EXOC6B: variants seen among roughly 807,000 people sequenced by gnomAD.
EXOC6B encodes the protein SEC15 homolog B.
A neutral mutation model predicts 113.5 loss-of-function variants in EXOC6B; 54 were observed. The observed-to-expected ratio is 0.48, with a 90% CI of 0.38 to 0.60. EXOC6B has a LOEUF of 0.60. EXOC6B is among the 20% of genes least tolerant of loss of function. EXOC6B has a pLI of 0.00. For synonymous variants in EXOC6B, 357 were observed against 339.0 expected (o/e 1.05, Z -0.58); for missense variants, 797 against 977.5 (o/e 0.82, Z 2.46).
At chr2:72,585,912 C>T (rs1705538058) in intron 6 of EXOC6B, among the ~76,000 whole-genome samples, 1 of 152,016 alleles carries the variant, frequency 6.6e-6, no homozygotes, top group African/African-American at 2.4e-5. Flanking sequence ...ACATACAGAC[C>T]AAACAACACA....
At position 72,298,745 on chromosome 2, in the gene EXOC6B, CT is replaced by C. The variant is rs536040597; in HGVS notation, c.2196+36201del. Reference sequence around the variant, plus strand: ...TTTTATTTCTCCTTCACTTATGAAGCTTAGTTTGGCTGGATATGAAATTCCG... The same window carrying C: ...TTTTATTTCTCCTTCACTTATGAAGCTAGTTTGGCTGGATATGAAATTCCG... On this transcript the variant is annotated intron_variant, in intron 20 of 21. Transcript: ENST00000272427. Among the ~76,000 whole-genome samples the C allele has an allele frequency of 2.6e-3, 392 of 152,236 alleles. 1 individual carries two copies. The highest frequency in any genetic ancestry group is 8.9e-3 in the African/African-American group (368 of 41,550).
intron 11 of EXOC6B, among the ~76,000 whole-genome samples, chr2:72,501,104 C>A (rs1056019745): frequency 2.0e-5 from 3 of 152,110 alleles, no homozygotes; most frequent in Admixed American, 2.0e-4. Flanking sequence ...ATATGAATAT[C>A]TCCTATAAAC....
At chr2:72,561,664 G>A (rs1703892008) in intron 7 of EXOC6B, among the ~76,000 whole-genome samples, 1 of 152,030 alleles carries the variant, frequency 6.6e-6, no homozygotes, top group Admixed American at 6.6e-5. Flanking sequence ...ACATAACAAA[G>A]ACGTTTTGTT....
chr2:72,324,590 T>C (rs1454996805), intron 20 of EXOC6B, among the ~76,000 whole-genome samples: 1 of 152,224 alleles, frequency 6.6e-6, no homozygotes, highest in African/African-American at 2.4e-5. Context: ...TCTTATTTAA[T>C]GCTTACTCCA....
chr2:72,320,533 T>C (rs1012658034), intron 20 of EXOC6B, among the ~76,000 whole-genome samples: 5 of 152,138 alleles, frequency 3.3e-5, no homozygotes, highest in Admixed American at 2.6e-4. Context: ...TATAAAAATA[T>C]GAACCTTGGC....
At chr2:72,232,072 C>A (rs1681659045) in intron 20 of EXOC6B, among the ~76,000 whole-genome samples, 1 of 152,120 alleles carries the variant, frequency 6.6e-6, no homozygotes, top group Non-Finnish European at 1.5e-5. Flanking sequence ...CCTACAGGTT[C>A]AAGCGATTCT....
intron 2 of EXOC6B, among the ~76,000 whole-genome samples, chr2:72,737,253 A>T (rs1008612600): frequency 6.6e-6 from 1 of 152,058 alleles, no homozygotes; most frequent in Non-Finnish European, 1.5e-5. Context: ...ATGAGGCACA[A>T]GAATCGCTTG....
chr2:72,699,912 C>T (rs1216409470), intron 6 of EXOC6B, among the ~76,000 whole-genome samples: 3 of 152,128 alleles, frequency 2.0e-5, no homozygotes, highest in African/African-American at 7.2e-5. Flanking sequence ...TCAGTATCCA[C>T]AAGAGATTAG....
Position 72,782,115 on chromosome 2 carries a change from G to C in EXOC6B, c.114-40646C>G, listed in dbSNP as rs142721654. 5.5e-3 allele frequency among the ~76,000 whole-genome samples: 828 copies of C among 150,080 alleles called. 10 individuals are homozygous for C. Among genetic ancestry groups the C allele is most frequent in the African/African-American group, 0.019 (758 of 40,758 alleles). On this transcript the variant is annotated intron_variant, in intron 1 of 21. Transcript: ENST00000272427. ...AGATCAAACCACTGCACTCCAGCCTGGGCAACAGAGCGAGACTCACTCTCA... is the reference window on the plus strand; with the variant it reads ...AGATCAAACCACTGCACTCCAGCCTCGGCAACAGAGCGAGACTCACTCTCA...
At chr2:72,641,778 C>T (rs1405508620) in intron 6 of EXOC6B, among the ~76,000 whole-genome samples, 12 of 152,252 alleles carry the variant, frequency 7.9e-5, no homozygotes, top group Admixed American at 7.9e-4. Flanking sequence ...TCCCTGACCC[C>T]TGTGTAGCCT....
At chr2:72,406,500 T>G (rs192567402) in intron 18 of EXOC6B, among the ~76,000 whole-genome samples, 3 of 152,234 alleles carry the variant, frequency 2.0e-5, no homozygotes, top group African/African-American at 7.2e-5. Flanking sequence ...TATAACAAAC[T>G]GTCTCTCAGA....
chr2:72,357,709 A>T (rs563075369), intron 19 of EXOC6B, among the ~76,000 whole-genome samples: 135 of 152,164 alleles, frequency 8.9e-4, no homozygotes, highest in African/African-American at 3.1e-3. Flanking sequence ...AAAGATGATA[A>T]TGGAACTGAA....
Position 72,591,790 on chromosome 2 carries a change from T to A in EXOC6B, c.670-16122A>T, listed in dbSNP as rs560516064. Among the ~76,000 whole-genome samples the A allele has an allele frequency of 1.9e-3, 288 of 152,212 alleles. 2 individuals carry two copies. The highest frequency in any genetic ancestry group is 6.6e-3 in the African/African-American group (276 of 41,570). On this transcript the variant is annotated intron_variant, in intron 6 of 21. Transcript: ENST00000272427. ...ATTAATGTGTAAATCAGAGAGTCTG[T>A]AAATAATTTTGAATCTAGAAATATC...
chr2:72,818,779 C>T (rs1395011172), intron 1 of EXOC6B, among the ~76,000 whole-genome samples: 3 of 152,152 alleles, frequency 2.0e-5, no homozygotes, highest in Admixed American at 6.5e-5. Context: ...CACTTCCCAC[C>T]GTTATCCTTT....
At chr2:72,633,599 A>G (rs1672627139) in intron 6 of EXOC6B, among the ~76,000 whole-genome samples, 1 of 152,190 alleles carries the variant, frequency 6.6e-6, no homozygotes, top group Non-Finnish European at 1.5e-5. Context: ...CCTGTAAAAG[A>G]GAAAGAATAA....
intron 20 of EXOC6B, among the ~76,000 whole-genome samples, chr2:72,334,464 G>A (rs373838022): frequency 1.1e-4 from 16 of 152,072 alleles, no homozygotes; most frequent in South Asian, 8.3e-4. Context: ...AGGAGGAGGC[G>A]GGAAGACTTA....
intron 6 of EXOC6B, among the ~76,000 whole-genome samples, chr2:72,591,198 T>A (rs917284682): frequency 2.0e-5 from 3 of 152,100 alleles, no homozygotes; most frequent in African/African-American, 7.2e-5. Context: ...TCTACATATG[T>A]GATTTTTAAA....
chr2:72,353,150 G>T (rs1455480112), intron 19 of EXOC6B, among the ~76,000 whole-genome samples: 1 of 152,148 alleles, frequency 6.6e-6, no homozygotes, highest in African/African-American at 2.4e-5. Flanking sequence ...ATTTTCAGCT[G>T]AAGCGATGTT....
At chr2:72,258,440 T>A (rs1573108233) in intron 20 of EXOC6B, among the ~76,000 whole-genome samples, 1 of 149,628 alleles carries the variant, frequency 6.7e-6, no homozygotes, top group South Asian at 2.1e-4. Context: ...CATGGCTCAC[T>A]GCAGCATTGA....
Sources: gnomAD v4.1 joint callset for allele counts (sites outside exome capture counted in the v4.1 genomes callset) on GRCh38, gnomAD v4.1.1 for gene constraint, MANE v1.5 for transcripts, NCBI Gene and HGNC (gene_info 2026-07-23, HGNC 2026-07-21) for gene names.